Variants in SFMBT2 observed in about 807,000 individuals in gnomAD.
The protein encoded by SFMBT2 is scm-like with four MBT domains protein 2.
In SFMBT2, 38 loss-of-function variants were observed where a neutral mutation model predicts 110.1. The observed-to-expected ratio is 0.35, with a 90% CI of 0.27 to 0.45. SFMBT2 has a LOEUF of 0.45. Among genes scored for constraint, SFMBT2 ranks in the 20% least tolerant of loss-of-function variants. The pLI, the probability that SFMBT2 is intolerant of heterozygous loss-of-function variation, is 1.00. For synonymous variants in SFMBT2, 425 were observed against 425.4 expected, an observed-to-expected ratio of 1.00 and a Z score of 0.01; for missense variants, 1,011 against 1,094.9, an observed-to-expected ratio of 0.92 and a Z score of 1.08.
Position 7,355,139 on chromosome 10 carries a change from G to A in SFMBT2, c.436+12510C>T, listed in dbSNP as rs1450739108. 2.0e-5 allele frequency among the ~76,000 whole-genome samples: 3 copies of A among 152,198 alleles called. No individual in the cohort carries two copies. In the East Asian group the frequency reaches 5.8e-4, roughly 29 times the overall value. ...TTTTCATCAAAATACGTAAACTGAA[G>A]AAAATGCTAAATTCAAATTTTTTAA... On this transcript the variant is annotated intron_variant, in intron 4 of 20. Transcript: ENST00000397167.
chr10:7,234,952 G>C (rs1471675071), intron 9 of SFMBT2, among the ~76,000 whole-genome samples: 3 of 152,168 alleles, frequency 2.0e-5, no homozygotes, highest in Non-Finnish European at 4.4e-5. Flanking sequence ...TATGAAAATA[G>C]AACCAGACAA....
intron 1 of SFMBT2, among the ~76,000 whole-genome samples, chr10:7,405,374 T>C (rs910231752): frequency 1.3e-5 from 2 of 152,242 alleles, no homozygotes; most frequent in South Asian, 2.1e-4. Flanking sequence ...ACCCAGTCCA[T>C]ACCTTTATGG....
chr10:7,243,902 T>C lies in SFMBT2; in HGVS notation c.973-197A>G, dbSNP rs1008687898. Reference sequence around the variant, plus strand: ...GTTAGAATTGACTGCTGTGGTCCTATTAATGAAAAGATAAATAACTAGGTT... The same window carrying C: ...GTTAGAATTGACTGCTGTGGTCCTACTAATGAAAAGATAAATAACTAGGTT... On this transcript the variant is annotated intron_variant, in intron 8 of 20. Transcript: ENST00000397167. 178 of 218,848 alleles carry C rather than the reference T, an allele frequency of 8.1e-4. 1 individual carries two copies. The Admixed American group carries it at 0.012, about 14-fold the overall frequency. The allele number at this position is 218,848 out of a possible 1,614,324, so 13.6% of individuals were successfully genotyped here.
chr10:7,202,444 T>G, intron 13 of SFMBT2, 36 bp downstream of exon 13: 1 of 1,612,554 alleles, frequency 6.2e-7, no homozygotes, highest in Non-Finnish European at 8.5e-7. Context: ...AGTTTATCGG[T>G]ATACAGTGTA....
intron 1 of SFMBT2, among the ~76,000 whole-genome samples, chr10:7,388,229 GT>G (rs79691695): frequency 0.032 from 4,587 of 142,574 alleles, 100 homozygotes; most frequent in Non-Finnish European, 0.04. Context: ...AGCCAATGGA[GT>G]TTTTTTTTTT....
At position 7,172,713 on chromosome 10, in the gene SFMBT2, T is replaced by C; in HGVS notation, c.1985-52A>G. On this transcript the variant is annotated intron_variant, in intron 17 of 20. Coordinates refer to ENST00000397167, the MANE Select transcript of SFMBT2 (RefSeq NM_001387889.1). This position sits in a 1 kb window ranked among gnomAD's most constrained non-coding sequence, Gnocchi z 4.6. ...TGAAGGCTATACACACACACAGACATGAACAGAGAGAGGAGAGAGAAAGAA... is the reference window on the plus strand; with the variant it reads ...TGAAGGCTATACACACACACAGACACGAACAGAGAGAGGAGAGAGAAAGAA... 1 of 1,539,124 alleles carries C rather than the reference T, an allele frequency of 6.5e-7. No homozygotes were observed.
chr10:7,402,266 T>C (rs1846102559), intron 1 of SFMBT2, among the ~76,000 whole-genome samples: 1 of 152,178 alleles, frequency 6.6e-6, no homozygotes, highest in African/African-American at 2.4e-5. Flanking sequence ...AATGAAAAGA[T>C]AGTATATTTG....
intron 1 of SFMBT2, among the ~76,000 whole-genome samples, chr10:7,383,991 A>G (rs1588499688): frequency 6.6e-6 from 1 of 152,196 alleles, no homozygotes; most frequent in African/African-American, 2.4e-5. Flanking sequence ...CAAGCAGATC[A>G]TCTGAGGTTA....
intron 10 of SFMBT2, among the ~76,000 whole-genome samples, chr10:7,222,107 T>C (rs900162362): frequency 1.3e-5 from 2 of 152,242 alleles, no homozygotes; most frequent in Admixed American, 6.5e-5. Flanking sequence ...TCAATATCTG[T>C]AGCCTTTCGA....
chr10:7,297,134 A>G (rs1842427094), intron 4 of SFMBT2, among the ~76,000 whole-genome samples: 1 of 152,360 alleles, frequency 6.6e-6, no homozygotes, highest in Admixed American at 6.5e-5. Flanking sequence ...TCAGCAGGCA[A>G]AAAGAATAAA....
intron 9 of SFMBT2, among the ~76,000 whole-genome samples, chr10:7,228,699 CTTTCTTT>C (rs1839980630): frequency 7.6e-6 from 1 of 132,224 alleles, no homozygotes; most frequent in African/African-American, 3.0e-5. Flanking sequence ...TTCTTTCTTT[CTTTCTTT>C]CTTTCTTTCT....
At chr10:7,321,767 G>A (rs751342333) in intron 4 of SFMBT2, among the ~76,000 whole-genome samples, 1 of 152,114 alleles carries the variant, frequency 6.6e-6, no homozygotes, top group Non-Finnish European at 1.5e-5. Context: ...TGAAGGCAGG[G>A]GTTTATTACT....
At chr10:7,292,567 T>G (rs2131861497) in intron 4 of SFMBT2, among the ~76,000 whole-genome samples, 1 of 152,284 alleles carries the variant, frequency 6.6e-6, no homozygotes, top group African/African-American at 2.4e-5. Flanking sequence ...GTAAAGAATG[T>G]CAGAAAAATT....
chr10:7,246,082 C>A (rs538332574), intron 8 of SFMBT2: 14 of 904,758 alleles, frequency 1.5e-5, no homozygotes, highest in Non-Finnish European at 1.7e-5. Context: ...TACCTAGGTT[C>A]TAAAAGACAG....
At chr10:7,393,212 G>T (rs568825931) in intron 1 of SFMBT2, among the ~76,000 whole-genome samples, 1 of 151,318 alleles carries the variant, frequency 6.6e-6, no homozygotes, top group Non-Finnish European at 1.5e-5. Flanking sequence ...TGTATTTTTC[G>T]TAGAGACGGC....
intron 12 of SFMBT2, chr10:7,205,516 A>G: frequency 1.1e-6 from 1 of 900,290 alleles, no homozygotes; most frequent in Non-Finnish European, 1.3e-6. Context: ...TATCTAACAT[A>G]TTTTTTCACA....
At chr10:7,330,942 T>TC (rs1216815016) in intron 4 of SFMBT2, among the ~76,000 whole-genome samples, 1 of 152,208 alleles carries the variant, frequency 6.6e-6, no homozygotes, top group Non-Finnish European at 1.5e-5. Flanking sequence ...CAGTTTGCGG[T>TC]CATCTTCAAG....
intron 13 of SFMBT2, 121 bp from the exon 14 acceptor site, chr10:7,200,605 A>G (rs775990042): frequency 4.5e-5 from 33 of 733,190 alleles, no homozygotes; most frequent in Non-Finnish European, 6.7e-5. Flanking sequence ...AGGACCATAG[A>G]ATAGAATGTG....
intron 4 of SFMBT2, among the ~76,000 whole-genome samples, chr10:7,342,664 T>C (rs539063766): frequency 4.6e-5 from 7 of 152,136 alleles, no homozygotes; most frequent in Non-Finnish European, 8.8e-5. Flanking sequence ...CCCAAAGTGC[T>C]GGGATTACAG....
Sources: allele counts gnomAD v4.1 joint callset (sites outside exome capture counted in the v4.1 genomes callset), GRCh38; gene constraint gnomAD v4.1.1; non-coding constraint Gnocchi (gnomAD v3.1); transcripts MANE v1.5; gene names NCBI Gene and HGNC (gene_info 2026-07-23, HGNC 2026-07-21).